The following DYSF variants were observed in gnomAD, a reference collection of about 807,000 sequenced individuals.
DYSF encodes dystrophy-associated fer-1-like 1.
In DYSF, 212 loss-of-function variants were observed where a neutral mutation model predicts 274.9. The observed-to-expected ratio is 0.77, with a 90% CI of 0.69 to 0.86. The LOEUF is 0.86. DYSF is among the 40% of genes least tolerant of loss of function. The pLI, the probability that DYSF is intolerant of heterozygous loss-of-function variation, is 0.00. For missense variants in DYSF, 2,666 were observed against 2,783.2 expected (o/e 0.96, Z 0.95); for synonymous variants, 1,091 against 1,078.7 (o/e 1.01, Z -0.22).
chr2:71,600,895 G>A (rs1433327263), intron 34 of DYSF, 53 bp downstream of exon 34: 18 of 1,600,238 alleles, frequency 1.1e-5, no homozygotes, highest in Non-Finnish European at 1.5e-5. Flanking sequence ...GTGGGGTGGG[G>A]GCCAACCCTC....
intron 29 of DYSF, among the ~76,000 whole-genome samples, chr2:71,572,569 G>A (rs1314498212): frequency 1.3e-5 from 2 of 152,258 alleles, no homozygotes; most frequent in Non-Finnish European, 2.9e-5. Context: ...GAGGAGCAAG[G>A]ATGCAGCTTC....
At chr2:71,591,628 C>G (rs569574442) in intron 32 of DYSF, among the ~76,000 whole-genome samples, 1 of 152,250 alleles carries the variant, frequency 6.6e-6, no homozygotes, top group East Asian at 1.9e-4. Flanking sequence ...TACCAAGTGA[C>G]AGAGCTTGGA....
At chr2:71,513,396 A>G (rs1397418832) in intron 6 of DYSF, 64 bp downstream of exon 6, 2 of 1,499,134 alleles carry the variant, frequency 1.3e-6, no homozygotes, top group African/African-American at 1.4e-5. Flanking sequence ...ACTAGCTGCC[A>G]TGGTCAGCTT....
upstream of DYSF, among the ~76,000 whole-genome samples, chr2:71,465,661 G>A (rs993315424): frequency 3.9e-5 from 6 of 152,290 alleles, no homozygotes; most frequent in East Asian, 1.9e-4. Context: ...GAGGGGAAAG[G>A]GAGTTGAGAT....
At chr2:71,589,782 C>T (rs1558553191) in intron 31 of DYSF, 96 bp downstream of exon 31, 4 of 1,216,654 alleles carry the variant, frequency 3.3e-6, no homozygotes, top group Non-Finnish European at 4.9e-6. Flanking sequence ...GTATGTGGGG[C>T]TCTGGGGAGC....
At chr2:71,505,727 G>A (rs970547606) in intron 4 of DYSF, among the ~76,000 whole-genome samples, 1 of 152,206 alleles carries the variant, frequency 6.6e-6, no homozygotes, top group African/African-American at 2.4e-5. Flanking sequence ...CACACATGGA[G>A]GAAAAGAAGC....
At chr2:71,466,145 G>A (rs1378745469), upstream of DYSF, among the ~76,000 whole-genome samples, 1 of 152,154 alleles carries the variant, frequency 6.6e-6, no homozygotes, top group Non-Finnish European at 1.5e-5. Flanking sequence ...GACAGCCTGC[G>A]GACGGGAGAG....
chr2:71,537,500 C>T (rs549385743), intron 16 of DYSF, among the ~76,000 whole-genome samples: 1 of 152,108 alleles, frequency 6.6e-6, no homozygotes, highest in Admixed American at 6.5e-5. Context: ...TCTGCCTTGG[C>T]CTCCCAAAGT....
intron 42 of DYSF, 123 bp from the exon 43 acceptor site, chr2:71,656,039 T>C: frequency 7.8e-7 from 1 of 1,278,914 alleles, no homozygotes; most frequent in South Asian, 1.2e-5. Context: ...TCTCTCTTCC[T>C]TCTCTCTCTT....
intron 43 of DYSF, among the ~76,000 whole-genome samples, chr2:71,656,850 G>A (rs1182464154): frequency 6.6e-6 from 1 of 152,098 alleles, no homozygotes; most frequent in Admixed American, 6.5e-5. Flanking sequence ...CCCCCAACAC[G>A]TGGGAATTCT....
intron 7 of DYSF, 150 bp downstream of exon 7, chr2:71,514,071 T>C (rs918495344): frequency 5.6e-6 from 5 of 888,404 alleles, no homozygotes; most frequent in Admixed American, 4.1e-5. Flanking sequence ...TCCCTGGGCC[T>C]GGGCAGATGC....
chr2:71,675,222 A>G (rs998452873), intron 52 of DYSF, among the ~76,000 whole-genome samples: 2 of 152,148 alleles, frequency 1.3e-5, no homozygotes, highest in Admixed American at 6.5e-5. Context: ...CTGGAATTAG[A>G]TGGTGGTGAA....
intron 49 of DYSF, 68 bp downstream of exon 49, chr2:71,668,910 G>A (rs2095067255): frequency 1.3e-6 from 2 of 1,516,984 alleles, no homozygotes; most frequent in South Asian, 1.2e-5. Context: ...GCTGTGGGCG[G>A]GACTAGGCGG....
intron 42 of DYSF, among the ~76,000 whole-genome samples, chr2:71,647,803 T>C (rs997162808): frequency 3.9e-5 from 6 of 152,374 alleles, no homozygotes; most frequent in Admixed American, 6.5e-5. Context: ...TTTACTTTTG[T>C]GTGTGTTTGA....
chr2:71,618,618 AGGTGGTGTGTGT>A (rs1460605678), intron 40 of DYSF, among the ~76,000 whole-genome samples: 5 of 45,246 alleles, frequency 1.1e-4, no homozygotes, highest in South Asian at 8.2e-4. Context: ...GGTGTGGTAG[AGGTGGTGTGTGT>A]GTTACAGGAG....
rs1000486931 is a variant in DYSF at position 71,574,334 on chromosome 2, C to T, written c.3365C>T (p.Thr1122Met). The change falls in exon 30 of 56, where the codon ACG becomes ATG. Residue 1122 changes from threonine to methionine, a missense_variant. Physicochemically the swap from Thr to Met is moderately conservative, Grantham distance 81 (BLOSUM62 -1). This residue lies in a region of DYSF where 1,460 missense variants were observed against 1,502.1 expected (regional missense o/e 0.97). Coordinates refer to ENST00000410020, the MANE Select transcript of DYSF (RefSeq NM_001130987.2). ...CGTCGCATGGAGCCACTGGAGAAGA[C>T]GGGGCCTGCAGCTGTGTTTGCCCTT... ...WRRRMEPLEKTGPAAVFALEG... is the reference protein window; with the variant it reads ...WRRRMEPLEKMGPAAVFALEG... The T allele has an allele frequency of 1.2e-5, 19 of 1,613,934 alleles. No individual in the cohort carries two copies. Among genetic ancestry groups the T allele is most frequent in the Middle Eastern group, 1.6e-4 (1 of 6,082 alleles).
chr2:71,495,021 G>A (rs1351963554), intron 3 of DYSF, among the ~76,000 whole-genome samples: 1 of 152,198 alleles, frequency 6.6e-6, no homozygotes, highest in East Asian at 1.9e-4. Context: ...ACAGGAACAT[G>A]GTGAGTGGGG....
In DYSF at chr2:71,457,456, T is replaced by C. The variant is rs982831546; in HGVS notation, c.88+3370T>C. ...AACCACTCTGCTATCTACCTCTGGC[T>C]TTAGCTTGGATTTACCAAAGACAAG... On this transcript the variant is annotated intron_variant, in intron 1 of 54. Coordinates refer to the DYSF transcript ENST00000258104. Among the ~76,000 whole-genome samples the C allele has an allele frequency of 3.3e-5, 5 of 152,178 alleles. No individual in the cohort carries two copies. The East Asian group carries it at 9.6e-4, about 29-fold the overall frequency.
At chr2:71,477,175 C>A (rs892135803) in intron 1 of DYSF, among the ~76,000 whole-genome samples, 1 of 152,006 alleles carries the variant, frequency 6.6e-6, no homozygotes, top group African/African-American at 2.4e-5. Context: ...CAAGCAGGAG[C>A]ACTGGGACAA....
Sources: allele counts gnomAD v4.1 joint callset (sites outside exome capture counted in the v4.1 genomes callset), GRCh38; gene constraint gnomAD v4.1.1; regional missense constraint gnomAD v4.1.1; transcripts MANE v1.5; gene names NCBI Gene and HGNC (gene_info 2026-07-23, HGNC 2026-07-21).